CDK14: variants seen among roughly 807,000 people sequenced by gnomAD.
CDK14 encodes the protein cyclin-dependent kinase 14.
Under a neutral mutation model 60.7 loss-of-function variants are expected in CDK14, and 34 were observed. The observed-to-expected ratio is 0.56, with a 90% CI of 0.43 to 0.75. The LOEUF (loss-of-function observed/expected upper bound fraction) is 0.75, where lower values mean the gene tolerates loss of function less well. Among genes scored for constraint, CDK14 ranks in the 30% least tolerant of loss-of-function variants. CDK14 has a pLI of 0.00. For synonymous variants in CDK14, 197 were observed against 203.7 expected, an observed-to-expected ratio of 0.97 and a Z score of 0.28; for missense variants, 482 against 564.1, an observed-to-expected ratio of 0.85 and a Z score of 1.47.
chr7:90,775,719 T>A (rs922029004), intron 4 of CDK14, among the ~76,000 whole-genome samples: 3 of 133,358 alleles, frequency 2.2e-5, no homozygotes, highest in African/African-American at 8.5e-5. Flanking sequence ...CTTCTCCTCC[T>A]CCTCTCCTCT....
intron 5 of CDK14, among the ~76,000 whole-genome samples, chr7:90,851,413 G>A (rs557779887): frequency 6.6e-6 from 1 of 152,292 alleles, no homozygotes; most frequent in African/African-American, 2.4e-5. Context: ...AGAAAGGGAA[G>A]CATGGGTCAG....
At chr7:91,129,277 AGTG>A (rs1800049245) in intron 14 of CDK14, among the ~76,000 whole-genome samples, 1 of 152,222 alleles carries the variant, frequency 6.6e-6, no homozygotes, top group African/African-American at 2.4e-5. Flanking sequence ...GAATCAAAGC[AGTG>A]ACACTCTAAA....
chr7:90,709,719 A>G, intron 2 of CDK14: 1 of 1,460,248 alleles, frequency 6.8e-7, no homozygotes, highest in Non-Finnish European at 9.1e-7. Context: ...TCTTCTCAAC[A>G]GTTTTTGGTC....
At chr7:90,814,556 G>A (rs1164502387) in intron 5 of CDK14, among the ~76,000 whole-genome samples, 1 of 152,066 alleles carries the variant, frequency 6.6e-6, no homozygotes, top group African/African-American at 2.4e-5. Flanking sequence ...CCTGAGGCAG[G>A]CAGATCGCTG....
intron 2 of CDK14, among the ~76,000 whole-genome samples, chr7:90,627,108 T>C (rs1799892157): frequency 6.6e-6 from 1 of 152,190 alleles, no homozygotes; most frequent in Non-Finnish European, 1.5e-5. Context: ...TTATTTTGTA[T>C]TGCTTTAAAA....
intron 4 of CDK14, among the ~76,000 whole-genome samples, chr7:90,784,101 AAAT>A (rs1314207027): frequency 1.3e-5 from 2 of 152,218 alleles, no homozygotes; most frequent in African/African-American, 2.4e-5. Context: ...CAGCCATAAA[AAAT>A]AATTAGATAT....
chr7:90,917,345 G>A (rs1562827275), intron 7 of CDK14, among the ~76,000 whole-genome samples: 1 of 152,066 alleles, frequency 6.6e-6, no homozygotes, highest in Non-Finnish European at 1.5e-5. Flanking sequence ...ACGCTAATTG[G>A]AGTACAGATC....
At chr7:90,893,362 C>T (rs1013250356) in intron 6 of CDK14, among the ~76,000 whole-genome samples, 4 of 152,066 alleles carry the variant, frequency 2.6e-5, no homozygotes, top group South Asian at 4.1e-4. Flanking sequence ...TTTGGATATG[C>T]GTAGTTACCA....
At chr7:90,835,605 A>G (rs1178955103) in intron 5 of CDK14, among the ~76,000 whole-genome samples, 2 of 152,142 alleles carry the variant, frequency 1.3e-5, no homozygotes, top group African/African-American at 4.8e-5. Flanking sequence ...TCATTCTGCA[A>G]TTACTTCTAT....
chr7:90,871,313 T>C (rs1250480934), intron 6 of CDK14, among the ~76,000 whole-genome samples: 1 of 152,008 alleles, frequency 6.6e-6, no homozygotes, highest in Non-Finnish European at 1.5e-5. Context: ...CCCAACCTAA[T>C]ACAGAAAAAT....
chr7:90,626,906 T>G (rs913011074), intron 2 of CDK14, among the ~76,000 whole-genome samples: 4 of 149,182 alleles, frequency 2.7e-5, no homozygotes, highest in Non-Finnish European at 5.9e-5. Flanking sequence ...ACCATCGCAC[T>G]CCAGTCTCGG....
chr7:90,921,779 T>C (rs1191995925), intron 8 of CDK14, among the ~76,000 whole-genome samples: 1 of 152,170 alleles, frequency 6.6e-6, no homozygotes, highest in Admixed American at 6.5e-5. Context: ...GTGGTTATAA[T>C]AGAATAAAAT....
intron 14 of CDK14, among the ~76,000 whole-genome samples, chr7:91,138,603 C>T (rs921732546): frequency 1.3e-5 from 2 of 152,014 alleles, no homozygotes; most frequent in African/African-American, 4.8e-5. Flanking sequence ...TTTAAATCTA[C>T]CAGAAATATT....
In CDK14 at chr7:90,645,741, T is replaced by G. The variant is rs145548154; in HGVS notation, c.123+41492T>G. Among the ~76,000 whole-genome samples the G allele has an allele frequency of 1.9e-3, 297 of 152,342 alleles. 1 individual carries two copies. Among genetic ancestry groups the G allele is most frequent in the African/African-American group, 6.9e-3 (287 of 41,576 alleles). On this transcript the variant is annotated intron_variant, in intron 2 of 14. Transcript: ENST00000380050. ...GATGAACCAAACAGCCTTTAACTTC[T>G]GTTGCTAAAGCAAGCCCACTTCAAG...
At chr7:91,047,109 G>C (rs893858570) in intron 11 of CDK14, among the ~76,000 whole-genome samples, 1 of 152,076 alleles carries the variant, frequency 6.6e-6, no homozygotes, top group Non-Finnish European at 1.5e-5. Flanking sequence ...GCAACTAAGA[G>C]GCATCCTCTA....
At chr7:91,013,808 T>C (rs955764680) in intron 10 of CDK14, among the ~76,000 whole-genome samples, 1 of 152,052 alleles carries the variant, frequency 6.6e-6, no homozygotes, top group African/African-American at 2.4e-5. Flanking sequence ...GAACATGTAA[T>C]GAAGACTCAA....
At chr7:90,744,064 G>A (rs1173285095) in intron 3 of CDK14, among the ~76,000 whole-genome samples, 1 of 151,886 alleles carries the variant, frequency 6.6e-6, no homozygotes, top group Admixed American at 6.6e-5. Flanking sequence ...CGCAGAGGGG[G>A]ATTTGGCAGG....
At chr7:90,621,643 T>TCCTG (rs1464167374) in intron 2 of CDK14, among the ~76,000 whole-genome samples, 2 of 143,036 alleles carry the variant, frequency 1.4e-5, no homozygotes, top group African/African-American at 5.3e-5. Context: ...CTTCCTTCCT[T>TCCTG]CCTTCCTTCC....
intron 11 of CDK14, among the ~76,000 whole-genome samples, chr7:91,053,143 T>TA (rs1797440641): frequency 6.6e-6 from 1 of 152,246 alleles, no homozygotes; most frequent in Non-Finnish European, 1.5e-5. Context: ...GATAACACCT[T>TA]ACGTTTTATG....
Sources: allele counts gnomAD v4.1 joint callset (sites outside exome capture counted in the v4.1 genomes callset), GRCh38; gene constraint gnomAD v4.1.1; transcripts MANE v1.5; gene names NCBI Gene and HGNC (gene_info 2026-07-23, HGNC 2026-07-21).